The following LONP2 variants were observed in gnomAD, a reference collection of about 807,000 sequenced individuals.
LONP2 encodes the protein lon peptidase 2, peroxisomal.
LONP2 carries 60 observed loss-of-function variants against 85.6 expected under a neutral mutation model. The ratio of observed to expected loss-of-function variants is 0.70; its 90% CI spans 0.57 to 0.87. The LOEUF (loss-of-function observed/expected upper bound fraction) is 0.87. Among genes scored for constraint, LONP2 ranks in the 40% least tolerant of loss-of-function variants. LONP2 has a pLI of 0.00. For synonymous variants in LONP2, 395 were observed against 389.7 expected (o/e 1.01, Z -0.16); for missense variants, 860 against 1,063.5 (o/e 0.81, Z 2.66).
chr16:48,314,688 A>C (rs74832253), intron 11 of LONP2, among the ~76,000 whole-genome samples: 1 of 152,184 alleles, frequency 6.6e-6, no homozygotes, highest in Non-Finnish European at 1.5e-5. Context: ...AAGTTTTTTA[A>C]GAGTTTTGAT....
intron 7 of LONP2, among the ~76,000 whole-genome samples, chr16:48,274,428 T>A (rs1972164562): frequency 6.6e-6 from 1 of 152,008 alleles, no homozygotes; most frequent in Non-Finnish European, 1.5e-5. Context: ...TCATGTAAGA[T>A]TAAAACATAA....
chr16:48,328,384 A>C (rs1433201061), intron 11 of LONP2, among the ~76,000 whole-genome samples: 1 of 151,972 alleles, frequency 6.6e-6, no homozygotes, highest in African/African-American at 2.4e-5. Flanking sequence ...TCTCTACTAA[A>C]AATACAAAAA....
chr16:48,265,405 A>G (rs1158934178), intron 6 of LONP2, among the ~76,000 whole-genome samples: 2 of 152,198 alleles, frequency 1.3e-5, no homozygotes, highest in Non-Finnish European at 2.9e-5. Context: ...ATGGTGTCAT[A>G]TAAGGGTTCA....
chr16:48,261,536 C>T lies in LONP2; in HGVS notation c.836C>T (p.Thr279Ile). The part of the protein sequence containing the change: ...DIVMLEKKIR[T>I]SSMPEQAHKV... ...GTCATGCTAGAGAAAAAAATACGAA[C>T]ATCTAGTATGCCAGAGCAGGCCCAT... The change falls in exon 5 of 15, where the codon ACA (threonine) becomes ATA (isoleucine). Residue 279 changes from threonine (T) to isoleucine (I), a missense_variant. By Grantham distance (89) the Thr-to-Ile change is moderately conservative. Coordinates refer to ENST00000285737, the MANE Select transcript of LONP2 (RefSeq NM_031490.5). 6.2e-7 allele frequency: 1 copy of T among 1,606,490 alleles called. No individual in the cohort carries two copies. Among genetic ancestry groups the T allele is most frequent in the Non-Finnish European group, 8.5e-7 (1 of 1,176,724 alleles).
chr16:48,329,449 T>G (rs1428346528), intron 11 of LONP2, among the ~76,000 whole-genome samples: 2 of 152,222 alleles, frequency 1.3e-5, no homozygotes, highest in Non-Finnish European at 2.9e-5. Context: ...TGTGTTCAAG[T>G]AACCCTTCCT....
intron 8 of LONP2, among the ~76,000 whole-genome samples, chr16:48,289,457 G>A (rs547730093): frequency 1.3e-5 from 2 of 152,168 alleles, no homozygotes; most frequent in East Asian, 1.9e-4. Context: ...TTCCAAAGGG[G>A]GCAATCAGGT....
intron 9 of LONP2, among the ~76,000 whole-genome samples, chr16:48,296,634 G>A (rs1024632684): frequency 6.6e-6 from 1 of 151,758 alleles, no homozygotes; most frequent in Non-Finnish European, 1.5e-5. Flanking sequence ...GGCTGAGGCG[G>A]GAGAATCCCT....
chr16:48,299,324 C>T (rs1688829145), intron 9 of LONP2, among the ~76,000 whole-genome samples: 1 of 151,810 alleles, frequency 6.6e-6, no homozygotes, highest in Non-Finnish European at 1.5e-5. Flanking sequence ...GTGACTCATG[C>T]CTATAATCTC....
intron 11 of LONP2, among the ~76,000 whole-genome samples, chr16:48,303,811 C>G (rs987710824): frequency 2.0e-5 from 3 of 152,138 alleles, no homozygotes; most frequent in Non-Finnish European, 4.4e-5. Context: ...TGAAGAACTT[C>G]GAGTCCAATA....
intron 2 of LONP2, among the ~76,000 whole-genome samples, chr16:48,254,454 C>T (rs565015842): frequency 2.2e-4 from 33 of 151,742 alleles, no homozygotes; most frequent in African/African-American, 6.8e-4. Context: ...GCCTCCGCCT[C>T]CCGGGTTCAA....
At position 48,244,572 on chromosome 16, in the gene LONP2, A is replaced by C; in HGVS notation, c.184A>C (p.Asn62His). Residue 62 changes from asparagine to histidine, a missense_variant, in exon 1 of 15, where the codon AAC becomes CAC. Transcript: ENST00000285737. ...LQSTILGVIP[N>H]TPDPASDAQD... ...AAGCACCATCCTGGGCGTCATCCCC[A>C]ACACGCCTGACCCCGCCAGCGACGC... 1 of 1,519,606 alleles carries C rather than the reference A, an allele frequency of 6.6e-7. No homozygotes were observed. The highest frequency in any genetic ancestry group is 8.8e-7 in the Non-Finnish European group (1 of 1,136,608). 94.1% of individuals were successfully genotyped at this position (1,519,606 alleles called of 1,614,324 possible).
rs1234432511 is a variant in LONP2, at chr16:48,354,079, T to TTTGGGGGGGG, written c.*2277_*2278insTTGGGGGGGG. 1 of 17,374 alleles carries TTTGGGGGGGG rather than the reference T, an allele frequency of 5.8e-5. No homozygotes were observed. Among genetic ancestry groups the TTTGGGGGGGG allele is most frequent in the African/African-American group, 1.8e-4 (1 of 5,430 alleles). The allele number at this position is 17,374 out of a possible 1,614,324, so 1.1% of individuals were successfully genotyped here. ...CTTTTTCACCTGGGTTTTTTTTTTT[T>TTTGGGGGGGG]GGGGGGGGTGGGGGGTTAGGGGTGG... On this transcript the variant is annotated 3_prime_UTR_variant, in exon 15 of 15. Coordinates refer to ENST00000285737, the MANE Select transcript of LONP2 (RefSeq NM_031490.5).
chr16:48,336,912 C>A (rs573721897), intron 12 of LONP2, among the ~76,000 whole-genome samples: 1 of 152,152 alleles, frequency 6.6e-6, no homozygotes, highest in South Asian at 2.1e-4. Context: ...AAAGTGAGAA[C>A]TCACCCTGTA....
chr16:48,320,874 AG>A (rs767678627), intron 11 of LONP2, among the ~76,000 whole-genome samples: 1 of 152,246 alleles, frequency 6.6e-6, no homozygotes, highest in Non-Finnish European at 1.5e-5. Flanking sequence ...AATTGGGGAC[AG>A]GAAAATAAAA....
At chr16:48,248,327 T>C (rs1227388043) in intron 1 of LONP2, among the ~76,000 whole-genome samples, 1 of 150,844 alleles carries the variant, frequency 6.6e-6, no homozygotes, top group Non-Finnish European at 1.5e-5. Context: ...GGTTTTGCCA[T>C]GTTGCGCAAA....
chr16:48,334,581 T>G (rs576571081), intron 12 of LONP2: 2 of 669,576 alleles, frequency 3.0e-6, no homozygotes, highest in South Asian at 3.3e-5. Context: ...ATCATCTTCT[T>G]GCAGTTGTAT....
intron 11 of LONP2, among the ~76,000 whole-genome samples, chr16:48,315,963 AT>A (rs201723319): frequency 6.1e-3 from 658 of 107,612 alleles, no homozygotes; most frequent in African/African-American, 0.015. Context: ...CCATATTGTA[AT>A]TTTTTTTTTT....
chr16:48,351,473 G>C (rs1266518775), intron 14 of LONP2, 108 bp from the exon 15 acceptor site: 1 of 805,408 alleles, frequency 1.2e-6, no homozygotes, highest in Non-Finnish European at 1.9e-6. Flanking sequence ...AGATGATTTG[G>C]ATGTTTTAAA....
At chr16:48,270,980 T>C (rs1005892978) in intron 7 of LONP2, among the ~76,000 whole-genome samples, 3 of 152,088 alleles carry the variant, frequency 2.0e-5, no homozygotes, top group Non-Finnish European at 4.4e-5. Context: ...AATTTATATT[T>C]AAATTTTTTA....
Sources: gnomAD v4.1 joint callset for allele counts (sites outside exome capture counted in the v4.1 genomes callset) on GRCh38, gnomAD v4.1.1 for gene constraint, MANE v1.5 for transcripts, NCBI Gene and HGNC (gene_info 2026-07-23, HGNC 2026-07-21) for gene names.